Variants in LARGE1 observed in about 807,000 individuals in gnomAD.
LARGE1 encodes LARGE xylosyl- and glucuronyltransferase 1.
A neutral mutation model predicts 87.6 loss-of-function variants in LARGE1; 43 were observed. The ratio of observed to expected loss-of-function variants is 0.49; its 90% CI spans 0.38 to 0.63. The LOEUF is 0.63. Among genes scored for constraint, LARGE1 ranks in the 30% least tolerant of loss-of-function variants. The probability of loss-of-function intolerance (pLI) is 0.00; values close to 1 mark genes in which losing one functional copy is unlikely to be tolerated. For synonymous variants in LARGE1, 434 were observed against 394.6 expected (o/e 1.10, Z -1.18); for missense variants, 802 against 1,000.2 (o/e 0.80, Z 2.67).
chr22:33,145,424 C>G, the LARGE1 span, among the ~76,000 whole-genome samples: 1 of 152,130 alleles, frequency 6.6e-6, no homozygotes, highest in Non-Finnish European at 1.5e-5. Context: ...TCGTGTATAC[C>G]ACTTTGGTTC....
At chr22:33,741,648 C>A (rs1277109826) in intron 2 of LARGE1, among the ~76,000 whole-genome samples, 1 of 152,214 alleles carries the variant, frequency 6.6e-6, no homozygotes, top group Non-Finnish European at 1.5e-5. Flanking sequence ...TGCAAATACC[C>A]ATGACCATAA....
At chr22:33,477,963 C>T (rs140027041) in intron 6 of LARGE1, among the ~76,000 whole-genome samples, 197 of 152,300 alleles carry the variant, frequency 1.3e-3, no homozygotes, top group Non-Finnish European at 2.2e-3. Flanking sequence ...GGTCTAACTC[C>T]TTCCTTTTCC....
chr22:33,448,099 G>C (rs986776293), intron 6 of LARGE1, among the ~76,000 whole-genome samples: 8 of 151,942 alleles, frequency 5.3e-5, no homozygotes. Context: ...CAGGGAGAGG[G>C]GGGTGTGGAA....
intron 6 of LARGE1, among the ~76,000 whole-genome samples, chr22:33,480,166 A>T (rs939137530): frequency 1.3e-5 from 2 of 152,188 alleles, no homozygotes; most frequent in Non-Finnish European, 2.9e-5. Flanking sequence ...AGTGAATGAC[A>T]ACCGAGGCGC....
At chr22:33,439,808 T>C (rs547091982) in intron 6 of LARGE1, among the ~76,000 whole-genome samples, 22 of 152,294 alleles carry the variant, frequency 1.4e-4, no homozygotes, top group Non-Finnish European at 2.5e-4. Context: ...TCCTACAAAA[T>C]AGGTGTGACC....
At chr22:33,743,875 G>A (rs556304496) in intron 2 of LARGE1, 3 of 152,180 alleles carry the variant, frequency 2.0e-5, no homozygotes, top group Admixed American at 6.5e-5. Context: ...GACAGATAAC[G>A]TTAGCCCAGC....
At chr22:33,115,538 C>T in the LARGE1 span, among the ~76,000 whole-genome samples, 3 of 151,832 alleles carry the variant, frequency 2.0e-5, no homozygotes, top group East Asian at 5.8e-4. Context: ...AGAGAAGAGG[C>T]CAGGCGAGGT....
At chr22:33,397,362 G>A (rs1258786583) in intron 7 of LARGE1, among the ~76,000 whole-genome samples, 2 of 152,098 alleles carry the variant, frequency 1.3e-5, no homozygotes, top group Non-Finnish European at 2.9e-5. Context: ...TGATCCTACC[G>A]CCTTGGCCTC....
intron 5 of LARGE1, among the ~76,000 whole-genome samples, chr22:33,571,670 T>A (rs1602498127): frequency 6.6e-6 from 1 of 152,220 alleles, no homozygotes; most frequent in East Asian, 1.9e-4. Flanking sequence ...TCAGGCATTG[T>A]GGCAAGACCT....
intron 1 of LARGE1, among the ~76,000 whole-genome samples, chr22:33,794,297 A>T (rs1001309919): frequency 6.6e-6 from 1 of 152,174 alleles, no homozygotes; most frequent in Non-Finnish European, 1.5e-5. Flanking sequence ...GGAGGGAGGG[A>T]AGAAAGAAGG....
At chr22:33,465,641 C>T (rs181117245) in intron 6 of LARGE1, among the ~76,000 whole-genome samples, 2 of 152,314 alleles carry the variant, frequency 1.3e-5, no homozygotes, top group South Asian at 2.1e-4. Context: ...TCTATTCACA[C>T]GTCCATCTTC....
chr22:33,255,083 G>A lies in LARGE1; in HGVS notation c.1730+49146C>T, dbSNP rs530190464. On this transcript the variant is annotated intron_variant, in intron 11 of 11. Transcript: ENST00000608642. ...CTCCCTGGTAACTGGGATTACAGGC[G>A]TCTGCCACCACACCCAGCTAATTTT... Among the ~76,000 whole-genome samples, 102 of 148,620 alleles carry A rather than the reference G, an allele frequency of 6.9e-4. 1 individual carries two copies. The highest frequency in any genetic ancestry group is 1.2e-3 in the Non-Finnish European group (81 of 65,760).
At chr22:33,754,565 T>C (rs2084439958) in intron 2 of LARGE1, among the ~76,000 whole-genome samples, 1 of 152,096 alleles carries the variant, frequency 6.6e-6, no homozygotes, top group African/African-American at 2.4e-5. Flanking sequence ...TTCGATCTCC[T>C]GACCTTGTGA....
intron 6 of LARGE1, among the ~76,000 whole-genome samples, chr22:33,519,968 T>C (rs527381238): frequency 6.6e-6 from 1 of 151,968 alleles, no homozygotes; most frequent in African/African-American, 2.4e-5. Flanking sequence ...GCTAAGAGAC[T>C]GTTCGTCTAT....
At chr22:33,710,613 T>C (rs2082704406) in intron 2 of LARGE1, among the ~76,000 whole-genome samples, 1 of 152,196 alleles carries the variant, frequency 6.6e-6, no homozygotes, top group South Asian at 2.1e-4. Flanking sequence ...CTGGACACAA[T>C]GGGCACAAGG....
the LARGE1 span, among the ~76,000 whole-genome samples, chr22:33,127,222 C>G: frequency 6.6e-6 from 1 of 152,182 alleles, no homozygotes; most frequent in Non-Finnish European, 1.5e-5. Context: ...TAGCACTGCT[C>G]CAGTGGGGCT....
At chr22:33,352,308 C>T (rs1267241823) in intron 9 of LARGE1, among the ~76,000 whole-genome samples, 1 of 152,036 alleles carries the variant, frequency 6.6e-6, no homozygotes, top group Non-Finnish European at 1.5e-5. Context: ...TCACGAAAAA[C>T]CAGGAAAGAC....
At chr22:33,130,841 A>G in the LARGE1 span, among the ~76,000 whole-genome samples, 1 of 151,476 alleles carries the variant, frequency 6.6e-6, no homozygotes, top group Non-Finnish European at 1.5e-5. Flanking sequence ...GTCAGGAGAT[A>G]GAGACCACGG....
chr22:33,416,471 G>T (rs2066487342), intron 7 of LARGE1, among the ~76,000 whole-genome samples: 1 of 152,062 alleles, frequency 6.6e-6, no homozygotes, highest in South Asian at 2.1e-4. Context: ...CTCCATCATA[G>T]TGCAGGCCAC....
Sources: gnomAD v4.1 joint callset for allele counts (sites outside exome capture counted in the v4.1 genomes callset) on GRCh38, gnomAD v4.1.1 for gene constraint, MANE v1.5 for transcripts, NCBI Gene and HGNC (gene_info 2026-07-23, HGNC 2026-07-21) for gene names.